The following WNK2 variants were observed in gnomAD, a reference collection of about 807,000 sequenced individuals.
WNK2 encodes WNK lysine deficient protein kinase 2, also known as serine/threonine-protein kinase WNK2.
A neutral mutation model predicts 192.1 loss-of-function variants in WNK2; 67 were observed. That is an observed-to-expected ratio of 0.35 (90% CI 0.29 to 0.43). The LOEUF is 0.43. WNK2 is among the 20% of genes least tolerant of loss of function. The pLI, the probability that WNK2 is intolerant of heterozygous loss-of-function variation, is 1.00. For synonymous variants in WNK2, 1,439 were observed against 1,393.9 expected, an observed-to-expected ratio of 1.03 and a Z score of -0.72; for missense variants, 2,698 against 3,089.7, an observed-to-expected ratio of 0.87 and a Z score of 3.01.
intron 27 of WNK2, 37 bp from the exon 28 acceptor site, chr9:93,308,291 T>TGA: frequency 6.5e-7 from 1 of 1,537,360 alleles, no homozygotes; most frequent in Non-Finnish European, 8.8e-7. Flanking sequence ...GGTGCGTGTG[T>TGA]GGCGTCACCA....
intron 7 of WNK2, among the ~76,000 whole-genome samples, chr9:93,244,296 GAT>G (rs370489325): frequency 1.3e-5 from 2 of 152,212 alleles, no homozygotes; most frequent in African/African-American, 4.8e-5. Context: ...GAGAGACAGA[GAT>G]GAAATAGCGG....
rs1236723281 is a variant in WNK2 at position 93,247,626 on chromosome 9, G to A, written c.1626G>A (p.Arg542=). The change falls in exon 8 of 30, where the codon CGG becomes CGA. Residue 542 remains arginine, a synonymous_variant. Transcript: ENST00000427277. The surrounding 1 kb of genome is among the most constrained non-coding windows in gnomAD (Gnocchi z 5.2). ...IRDRVALIQW[R]RERIWPALQP... The stretch of plus-strand genomic sequence containing the variant: ...ACCGCGTGGCCTTGATCCAGTGGCG[G>A]CGGGAGAGGATCTGGCCCGCGCTGC... The A allele has an allele frequency of 6.3e-7, 1 of 1,597,570 alleles. No individual in the cohort carries two copies. Among genetic ancestry groups the A allele is most frequent in the Admixed American group, 1.7e-5 (1 of 57,760 alleles).
chr9:93,319,348 C>T, intron 29 of WNK2: 24 of 1,380,166 alleles, frequency 1.7e-5, no homozygotes, highest in South Asian at 6.5e-5. Context: ...TGAGGGGCTG[C>T]GGGTGCTGGG....
At chr9:93,234,033 C>A (rs1839389108) in intron 4 of WNK2, among the ~76,000 whole-genome samples, 2 of 152,208 alleles carry the variant, frequency 1.3e-5, no homozygotes. Flanking sequence ...GCCCTCGCCC[C>A]CTGCAGACAT....
chr9:93,243,261 C>A (rs145946586), intron 7 of WNK2, among the ~76,000 whole-genome samples: 1 of 152,190 alleles, frequency 6.6e-6, no homozygotes, highest in Non-Finnish European at 1.5e-5. Context: ...GACTGCGACT[C>A]CTCCCTGCTT....
intron 9 of WNK2, among the ~76,000 whole-genome samples, chr9:93,254,758 G>A: frequency 6.6e-6 from 1 of 152,060 alleles, no homozygotes; most frequent in Non-Finnish European, 1.5e-5. Context: ...GAGCCCAAGA[G>A]TTCCAGGCCA....
chr9:93,202,501 G>A (rs1832632161), intron 2 of WNK2, among the ~76,000 whole-genome samples: 1 of 152,310 alleles, frequency 6.6e-6, no homozygotes, highest in African/African-American at 2.4e-5. Context: ...CCTACCAGGG[G>A]AGAGGACACT....
chr9:93,307,062 C>T (rs968462180), intron 27 of WNK2: 251 of 570,164 alleles, frequency 4.4e-4, no homozygotes, highest in East Asian at 2.6e-3. Context: ...TCACATCTAA[C>T]GGGCTTATCC....
At chr9:93,272,281 A>G (rs1392836087) in intron 19 of WNK2, among the ~76,000 whole-genome samples, 5 of 152,246 alleles carry the variant, frequency 3.3e-5, no homozygotes, top group African/African-American at 1.2e-4. Context: ...GATTATAACA[A>G]TTTAACCTTC....
intron 5 of WNK2, among the ~76,000 whole-genome samples, chr9:93,236,626 T>G (rs1311245477): frequency 6.6e-6 from 1 of 152,240 alleles, no homozygotes; most frequent in Non-Finnish European, 1.5e-5. Flanking sequence ...TGCTTCTGAG[T>G]CCGGTTGCAG....
intron 25 of WNK2, 49 bp downstream of exon 25, chr9:93,299,310 C>T: frequency 6.5e-7 from 1 of 1,529,214 alleles, no homozygotes; most frequent in Non-Finnish European, 8.8e-7. Flanking sequence ...CACGTAGGGC[C>T]TCAGTGGTGT....
intron 2 of WNK2, among the ~76,000 whole-genome samples, chr9:93,210,247 G>A (rs1333843858): frequency 1.3e-5 from 2 of 151,870 alleles, no homozygotes; most frequent in Non-Finnish European, 2.9e-5. Flanking sequence ...AGGACAGTGG[G>A]GTGTCGAGGG....
At chr9:93,306,918 G>A (rs1852671247) in intron 27 of WNK2, 97 bp downstream of exon 27, 1 of 1,517,008 alleles carries the variant, frequency 6.6e-7, no homozygotes, top group African/African-American at 1.4e-5. Context: ...GCGGGCGTGG[G>A]CCTGCCCTGT....
At chr9:93,318,098 C>T (rs1159915827) in intron 29 of WNK2, 6 of 1,587,588 alleles carry the variant, frequency 3.8e-6, no homozygotes, top group Non-Finnish European at 5.2e-6. Flanking sequence ...ACCTTGTCGT[C>T]ACCCTGCAGA....
chr9:93,318,894 CT>C, intron 29 of WNK2: 1 of 1,402,072 alleles, frequency 7.1e-7, no homozygotes, highest in Non-Finnish European at 9.2e-7. Context: ...GACTGCCCAG[CT>C]GTGAATTGTA....
intron 26 of WNK2, among the ~76,000 whole-genome samples, chr9:93,301,558 T>C (rs549887870): frequency 7.9e-5 from 12 of 152,288 alleles, no homozygotes; most frequent in African/African-American, 2.9e-4. Context: ...GTTGCTGAGT[T>C]GAATCTGGGG....
chr9:93,221,858 A>G (rs915638268), intron 2 of WNK2, among the ~76,000 whole-genome samples: 1 of 152,162 alleles, frequency 6.6e-6, no homozygotes, highest in African/African-American at 2.4e-5. Context: ...AGACGTGTTT[A>G]TTCCCGTGTT....
intron 13 of WNK2, among the ~76,000 whole-genome samples, 187 bp downstream of exon 13, chr9:93,262,294 G>T (rs1368341363): frequency 6.6e-6 from 1 of 152,244 alleles, no homozygotes; most frequent in Non-Finnish European, 1.5e-5. Context: ...CAGAGGGTGT[G>T]ATTTTTATAG....
At chr9:93,233,330 C>A (rs1040049157) in intron 4 of WNK2, among the ~76,000 whole-genome samples, 17 of 152,198 alleles carry the variant, frequency 1.1e-4, no homozygotes, top group Non-Finnish European at 2.5e-4. Context: ...ATGGGTTCTT[C>A]CAGAGTTCTG....
Sources: gnomAD v4.1 joint callset for allele counts (sites outside exome capture counted in the v4.1 genomes callset) on GRCh38, gnomAD v4.1.1 for gene constraint, Gnocchi (gnomAD v3.1) non-coding constraint, MANE v1.5 for transcripts, NCBI Gene and HGNC (gene_info 2026-07-23, HGNC 2026-07-21) for gene names.